The following PCDHA10 variants were observed in gnomAD, a reference collection of about 807,000 sequenced individuals.
PCDHA10 encodes the protein protocadherin alpha 10, also known as protocadherin alpha-10.
A neutral mutation model predicts 61.2 loss-of-function variants in PCDHA10; 45 were observed. That is an observed-to-expected ratio of 0.74 (90% CI 0.58 to 0.94). The LOEUF (loss-of-function observed/expected upper bound fraction) is 0.94. Among genes scored for constraint, PCDHA10 ranks in the 40% least tolerant of loss-of-function variants. The pLI is 0.00. For missense variants in PCDHA10, 1,278 were observed against 1,236.2 expected (o/e 1.03, Z -0.51); for synonymous variants, 602 against 548.8 (o/e 1.10, Z -1.35).
intron 1 of PCDHA10, chr5:140,927,159 C>G (rs782468229): frequency 6.2e-7 from 1 of 1,614,046 alleles, no homozygotes; most frequent in Non-Finnish European, 8.5e-7. Context: ...TGTGCAGGGC[C>G]AAAGCTGCCT....
At chr5:140,997,533 A>G (rs1247028089) in intron 3 of PCDHA10, among the ~76,000 whole-genome samples, 1 of 152,230 alleles carries the variant, frequency 6.6e-6, no homozygotes, top group Non-Finnish European at 1.5e-5. Context: ...CAATAAAAAT[A>G]CATTATTATA....
chr5:140,923,963 A>G (rs1172303229), intron 1 of PCDHA10, among the ~76,000 whole-genome samples: 1 of 152,188 alleles, frequency 6.6e-6, no homozygotes, highest in African/African-American at 2.4e-5. Context: ...CCTAATCTAT[A>G]CCCACACATA....
intron 1 of PCDHA10, among the ~76,000 whole-genome samples, chr5:140,896,526 A>G (rs1554186988): frequency 6.9e-6 from 1 of 144,852 alleles, no homozygotes; most frequent in African/African-American, 2.5e-5. Context: ...CACAAAGCCC[A>G]GCTATTTTTC....
At chr5:140,937,162 C>A (rs2091378704) in intron 1 of PCDHA10, among the ~76,000 whole-genome samples, 1 of 151,684 alleles carries the variant, frequency 6.6e-6, no homozygotes, top group Non-Finnish European at 1.5e-5. Flanking sequence ...CTCAGCCTCC[C>A]GAGTAGCTGG....
intron 1 of PCDHA10, among the ~76,000 whole-genome samples, chr5:140,881,594 A>C (rs1464236535): frequency 6.6e-6 from 1 of 152,244 alleles, no homozygotes; most frequent in Non-Finnish European, 1.5e-5. Flanking sequence ...AGGGAAATTT[A>C]TTAATATGAT....
At chr5:140,870,938 C>T in intron 1 of PCDHA10, 5 of 1,613,724 alleles carry the variant, frequency 3.1e-6, no homozygotes, top group East Asian at 2.2e-5. Flanking sequence ...GAATTGCAGC[C>T]GGCGGCGGGC....
intron 1 of PCDHA10, chr5:140,968,266 G>A: frequency 6.2e-7 from 1 of 1,614,080 alleles, no homozygotes; most frequent in Non-Finnish European, 8.5e-7. Context: ...ATGAAAAGGA[G>A]AATGCAGAGG....
At chr5:140,888,593 A>C (rs1165427237) in intron 1 of PCDHA10, among the ~76,000 whole-genome samples, 1 of 152,256 alleles carries the variant, frequency 6.6e-6, no homozygotes, top group Admixed American at 6.5e-5. Context: ...GTACACATTC[A>C]GAGCAGCTTT....
At chr5:140,993,668 A>G (rs551356894) in intron 3 of PCDHA10, among the ~76,000 whole-genome samples, 167 of 152,322 alleles carry the variant, frequency 1.1e-3, no homozygotes, top group African/African-American at 3.4e-3. Context: ...ACAATGGACC[A>G]CATATGTGAC....
chr5:140,935,501 A>G (rs1337847677), intron 1 of PCDHA10, among the ~76,000 whole-genome samples: 1 of 152,250 alleles, frequency 6.6e-6, no homozygotes, highest in East Asian at 1.9e-4. Context: ...GCACATCCTT[A>G]CAAATGCCCA....
chr5:140,883,557 G>T, intron 1 of PCDHA10: 1 of 1,614,214 alleles, frequency 6.2e-7, no homozygotes, highest in South Asian at 1.1e-5. Flanking sequence ...GCGCGGGACG[G>T]GGGCTCGCCT....
intron 1 of PCDHA10, among the ~76,000 whole-genome samples, chr5:140,895,090 T>A (rs2064836305): frequency 6.6e-6 from 1 of 152,190 alleles, no homozygotes; most frequent in Non-Finnish European, 1.5e-5. Flanking sequence ...CTCCTCAGTA[T>A]AGGGGTTTTT....
chr5:141,010,403 G>T lies in PCDHA10; in HGVS notation c.*466G>T. ...ATATTGGCTGAGACGAGCCAGCTTA[G>T]ACTAATTGGTACAAGGAAGGCAAGA... On this transcript the variant is annotated 3_prime_UTR_variant, in exon 4 of 4. Transcript: ENST00000307360. 2 of 1,285,614 alleles carry T rather than the reference G, an allele frequency of 1.6e-6. No individual in the cohort carries two copies. Among genetic ancestry groups the T allele is most frequent in the Non-Finnish European group, 2.1e-6 (2 of 956,000 alleles). The allele number at this position is 1,285,614 out of a possible 1,614,324, so 79.6% of individuals were successfully genotyped here. A position where few individuals can be genotyped will look rare whatever the true frequency, so the allele number is the denominator to read the frequency against.
chr5:140,870,902 C>G (rs2052520790), intron 1 of PCDHA10: 1 of 1,613,846 alleles, frequency 6.2e-7, no homozygotes. Flanking sequence ...GATGCGGACT[C>G]AGGCTACAAC....
chr5:140,991,413 A>G (rs2097451025), intron 3 of PCDHA10, among the ~76,000 whole-genome samples: 1 of 152,228 alleles, frequency 6.6e-6, no homozygotes, highest in South Asian at 2.1e-4. Context: ...CCATTATGCT[A>G]TAACAAATTA....
intron 1 of PCDHA10, among the ~76,000 whole-genome samples, chr5:140,950,372 C>G (rs1369892292): frequency 1.3e-5 from 2 of 151,918 alleles, no homozygotes; most frequent in African/African-American, 4.8e-5. Context: ...ATCTATTTAT[C>G]TTCCATTTGA....
At chr5:140,928,830 TTCC>T in intron 1 of PCDHA10, 1 of 1,614,124 alleles carries the variant, frequency 6.2e-7, no homozygotes, top group Non-Finnish European at 8.5e-7. Flanking sequence ...ACCCACCACT[TTCC>T]TCCTCTGTCA....
chr5:140,967,775 G>A, intron 1 of PCDHA10: 2 of 1,614,200 alleles, frequency 1.2e-6, no homozygotes, highest in South Asian at 2.2e-5. Context: ...CTATGTGCAG[G>A]CGACTGACCG....
At chr5:140,935,894 CTTT>C (rs55841305) in intron 1 of PCDHA10, among the ~76,000 whole-genome samples, 2 of 136,728 alleles carry the variant, frequency 1.5e-5, no homozygotes, top group African/African-American at 2.7e-5. Context: ...TCAATATTAT[CTTT>C]TTTTTTTTTT....
Sources: gnomAD v4.1 joint callset for allele counts (sites outside exome capture counted in the v4.1 genomes callset) on GRCh38, gnomAD v4.1.1 for gene constraint, MANE v1.5 for transcripts, NCBI Gene and HGNC (gene_info 2026-07-23, HGNC 2026-07-21) for gene names.